Variants in PTPN14 observed in about 807,000 individuals in gnomAD.
PTPN14 encodes the protein protein tyrosine phosphatase non-receptor type 14, also known as tyrosine-protein phosphatase non-receptor type 14.
PTPN14 carries 53 observed loss-of-function variants against 126.8 expected under a neutral mutation model. The ratio of observed to expected loss-of-function variants is 0.42; its 90% CI spans 0.34 to 0.53. PTPN14 has a LOEUF of 0.53. PTPN14 is among the 20% of genes least tolerant of loss of function. PTPN14 has a pLI of 0.08. For synonymous variants in PTPN14, 630 were observed against 599.3 expected, an observed-to-expected ratio of 1.05 and a Z score of -0.75; for missense variants, 1,257 against 1,552.9, an observed-to-expected ratio of 0.81 and a Z score of 3.20.
At chr1:214,541,087 T>C (rs999587358) in intron 1 of PTPN14, among the ~76,000 whole-genome samples, 26 of 151,756 alleles carry the variant, frequency 1.7e-4, no homozygotes, top group African/African-American at 5.8e-4. Context: ...AACAGTACAG[T>C]ATTATAGGAA....
intron 9 of PTPN14, among the ~76,000 whole-genome samples, chr1:214,394,410 T>C (rs1443904291): frequency 6.6e-6 from 1 of 152,122 alleles, no homozygotes; most frequent in African/African-American, 2.4e-5. Flanking sequence ...TATTTTATTT[T>C]ATTATTTTAT....
intron 1 of PTPN14, among the ~76,000 whole-genome samples, chr1:214,518,818 A>G (rs1020342303): frequency 6.6e-6 from 1 of 152,192 alleles, no homozygotes; most frequent in Non-Finnish European, 1.5e-5. Flanking sequence ...ACGCTACCCA[A>G]AAAAAAGTCT....
chr1:214,453,317 C>T (rs1012276660), intron 2 of PTPN14, among the ~76,000 whole-genome samples: 8 of 152,180 alleles, frequency 5.3e-5, no homozygotes, highest in Non-Finnish European at 1.5e-5. Flanking sequence ...ATTAGTTGTT[C>T]CAACCTGAGT....
chr1:214,392,209 C>T (rs1440104042), intron 10 of PTPN14, among the ~76,000 whole-genome samples: 2 of 151,324 alleles, frequency 1.3e-5, no homozygotes, highest in African/African-American at 2.4e-5. Context: ...AGAGAGAGAG[C>T]GAGAGAGAGT....
chr1:214,377,889 C>A (rs543266964), intron 14 of PTPN14, 70 bp downstream of exon 14: 1 of 1,523,376 alleles, frequency 6.6e-7, no homozygotes, highest in African/African-American at 1.4e-5. Context: ...CTGGCATATT[C>A]GGGCAAGGAG....
rs769671708 is a variant in PTPN14, at chr1:214,383,627, C to T, written c.2228G>A (p.Arg743His). 1.2e-5 allele frequency: 20 copies of T among 1,612,920 alleles called. No individual in the cohort carries two copies. The highest frequency in any genetic ancestry group is 1.1e-4 in the African/African-American group (8 of 74,950). Reference protein sequence around the residue: ...YSAQLQAALARIPNKPPPEYP... With the variant: ...YSAQLQAALAHIPNKPPPEYP... ...CTCAGGCGGGGGCTTGTTGGGGATG[C>T]GGGCCAGGGCCGCCTGCAGCTGGGC... Residue 743 changes from arginine to histidine, a missense_variant, in exon 13 of 19, where the codon CGC (arginine) becomes CAC (histidine). Arg to His is a conservative substitution (Grantham distance 29). Transcript: ENST00000366956. This position sits in a 1 kb window ranked among gnomAD's most constrained non-coding sequence, Gnocchi z 4.4.
intron 3 of PTPN14, among the ~76,000 whole-genome samples, chr1:214,423,205 T>C (rs540185112): frequency 1.5e-4 from 23 of 152,114 alleles, no homozygotes; most frequent in African/African-American, 5.5e-4. Context: ...ATGCACCTAT[T>C]GTCCCAGCTA....
chr1:214,422,700 G>C (rs574315117), intron 3 of PTPN14, among the ~76,000 whole-genome samples: 98 of 152,276 alleles, frequency 6.4e-4, no homozygotes, highest in African/African-American at 2.1e-3. Flanking sequence ...GAAATACAGT[G>C]CTGTTATTAC....
chr1:214,504,615 A>G (rs1408999702), intron 1 of PTPN14, among the ~76,000 whole-genome samples: 1 of 152,174 alleles, frequency 6.6e-6, no homozygotes, highest in Non-Finnish European at 1.5e-5. Context: ...CCCATTAGCC[A>G]TGAAATCGTA....
chr1:214,407,385 G>A (rs1042887607), intron 5 of PTPN14, among the ~76,000 whole-genome samples: 2 of 152,010 alleles, frequency 1.3e-5, no homozygotes, highest in South Asian at 4.2e-4. Flanking sequence ...AAAATTAGCT[G>A]GGCATGGTGG....
rs1658389647 is a variant in PTPN14, at chr1:214,378,196, A to C, written c.2545-94T>G. 59 of 1,420,298 alleles carry C rather than the reference A, an allele frequency of 4.2e-5. No homozygotes were observed. The South Asian group carries it at 7.6e-4, about 18-fold the overall frequency. The allele number at this position is 1,420,298 out of a possible 1,614,324, so 88.0% of individuals were successfully genotyped here. A position where few individuals can be genotyped will look rare whatever the true frequency, so the allele number is the denominator to read the frequency against. On this transcript the variant is annotated intron_variant, in intron 13 of 18. Coordinates refer to ENST00000366956, the MANE Select transcript of PTPN14 (RefSeq NM_005401.5). Reference sequence around the variant, plus strand: ...TCCTCAAATCTGTAACTCCCCAGCCAAGGAATGCAGACAATCACCATCAGT... The same window carrying C: ...TCCTCAAATCTGTAACTCCCCAGCCCAGGAATGCAGACAATCACCATCAGT...
chr1:214,474,280 G>C (rs1290446022), intron 1 of PTPN14, among the ~76,000 whole-genome samples: 1 of 152,192 alleles, frequency 6.6e-6, no homozygotes, highest in African/African-American at 2.4e-5. Context: ...CCTTTGAGCA[G>C]TTGAGTATCA....
intron 2 of PTPN14, among the ~76,000 whole-genome samples, chr1:214,462,486 A>G (rs1347722977): frequency 6.6e-6 from 1 of 152,168 alleles, no homozygotes; most frequent in Admixed American, 6.5e-5. Context: ...CCAGTCCCCC[A>G]CACTAAAGAT....
chr1:214,359,266 T>G (rs1657897200), intron 18 of PTPN14, among the ~76,000 whole-genome samples: 1 of 150,074 alleles, frequency 6.7e-6, no homozygotes. Flanking sequence ...CAGGCTGGAG[T>G]GCAGTGGCTC....
rs1380750181 is a variant in PTPN14 at position 214,349,458 on chromosome 1, G to C, written c.*8464C>G. On this transcript the variant is annotated 3_prime_UTR_variant, in exon 19 of 19. Transcript: ENST00000366956. ...AAACCTAATAAATGTCATTTGTTTT[G>C]AATGATACCAAAATTCACAACATTT... 1 of 152,110 alleles carries C rather than the reference G, an allele frequency of 6.6e-6. No individual in the cohort carries two copies. The highest frequency in any genetic ancestry group is 2.4e-5 in the African/African-American group (1 of 41,422). 9.4% of individuals were successfully genotyped at this position (152,110 alleles called of 1,614,324 possible). A position where few individuals can be genotyped will look rare whatever the true frequency, so the allele number is the denominator to read the frequency against.
At chr1:214,536,631 A>G (rs1655715717) in intron 1 of PTPN14, among the ~76,000 whole-genome samples, 1 of 152,078 alleles carries the variant, frequency 6.6e-6, no homozygotes, top group Non-Finnish European at 1.5e-5. Flanking sequence ...CAAAAAAATA[A>G]AAAATTAGCT....
chr1:214,488,814 T>C (rs1183453296), intron 1 of PTPN14, among the ~76,000 whole-genome samples: 1 of 152,248 alleles, frequency 6.6e-6, no homozygotes, highest in East Asian at 1.9e-4. Flanking sequence ...GACACTGTAA[T>C]ATTATTGCCT....
chr1:214,400,888 G>A (rs932388715), intron 7 of PTPN14, among the ~76,000 whole-genome samples: 3 of 152,266 alleles, frequency 2.0e-5, no homozygotes, highest in East Asian at 1.9e-4. Flanking sequence ...AATTGCAAAC[G>A]TGCAACAGAG....
intron 1 of PTPN14, among the ~76,000 whole-genome samples, chr1:214,494,070 TTC>T (rs1437157019): frequency 1.3e-5 from 2 of 152,068 alleles, no homozygotes; most frequent in Admixed American, 6.5e-5. Flanking sequence ...CTCTCTTTCT[TTC>T]TCTTTTTTTT....
Sources: allele counts gnomAD v4.1 joint callset (sites outside exome capture counted in the v4.1 genomes callset), GRCh38; gene constraint gnomAD v4.1.1; non-coding constraint Gnocchi (gnomAD v3.1); transcripts MANE v1.5; gene names NCBI Gene and HGNC (gene_info 2026-07-23, HGNC 2026-07-21).